Variants in EPM2A observed in about 807,000 individuals in gnomAD.
The protein encoded by EPM2A is laforin.
Under a neutral mutation model 26.5 loss-of-function variants are expected in EPM2A, and 21 were observed. That is an observed-to-expected ratio of 0.79 (90% confidence interval 0.56 to 1.14). The LOEUF (loss-of-function observed/expected upper bound fraction) is 1.14, where lower values mean the gene tolerates loss of function less well. Ranked by LOEUF, EPM2A falls within the 50% of genes most tolerant of loss-of-function variation. EPM2A has a pLI of 0.00. For synonymous variants in EPM2A, 217 were observed against 177.6 expected (o/e 1.22, Z -1.76); for missense variants, 458 against 440.8 (o/e 1.04, Z -0.35).
At position 145,445,832 on chromosome 6, in the gene EPM2A, C is replaced by T. The variant is rs185538769; in HGVS notation, c.555+56690G>A. On this transcript the variant is annotated intron_variant, in intron 4 of 4. Coordinates refer to the EPM2A transcript ENST00000638717. Reference sequence around the variant, plus strand: ...CTTTGGTGCTCCTCTCATTGAGAGGCGGGGTCTATGTCTTCTTCCCTTCAA... The same window carrying T: ...CTTTGGTGCTCCTCTCATTGAGAGGTGGGGTCTATGTCTTCTTCCCTTCAA... Among the ~76,000 whole-genome samples the T allele has an allele frequency of 5.3e-5, 8 of 152,216 alleles. No homozygotes were observed. The South Asian group carries it at 6.2e-4, about 12-fold the overall frequency.
chr6:145,471,364 AC>A (rs2114725459), intron 4 of EPM2A, among the ~76,000 whole-genome samples: 1 of 152,196 alleles, frequency 6.6e-6, no homozygotes, highest in South Asian at 2.1e-4. Flanking sequence ...AGAAAGCTCC[AC>A]CTATCATCCC....
chr6:145,536,881 A>G (rs867720536), intron 2 of EPM2A, among the ~76,000 whole-genome samples: 1 of 152,348 alleles, frequency 6.6e-6, no homozygotes, highest in South Asian at 2.1e-4. Flanking sequence ...AGGCAGACAG[A>G]GGAGTGGGAA....
intron 2 of EPM2A, among the ~76,000 whole-genome samples, chr6:145,512,029 T>TA (rs1780061222): frequency 6.6e-6 from 1 of 152,036 alleles, no homozygotes. Context: ...AATAAAGCGT[T>TA]AAGTACAAAG....
At chr6:145,703,991 A>T (rs1186481657) in intron 1 of EPM2A, among the ~76,000 whole-genome samples, 5 of 152,230 alleles carry the variant, frequency 3.3e-5, no homozygotes, top group Non-Finnish European at 5.9e-5. Flanking sequence ...TTTTAAAAAC[A>T]TTATTTTAAA....
chr6:145,665,926 TCAATAGATG>T (rs1779147285), intron 2 of EPM2A, among the ~76,000 whole-genome samples: 1 of 151,100 alleles, frequency 6.6e-6, no homozygotes, highest in African/African-American at 2.4e-5. Context: ...CATTATTATC[TCAATAGATG>T]CAGAAAAAGC....
intron 4 of EPM2A, among the ~76,000 whole-genome samples, chr6:145,398,184 T>C (rs747742840): frequency 1.7e-4 from 26 of 152,314 alleles, no homozygotes; most frequent in African/African-American, 5.3e-4. Flanking sequence ...AAAATACTTA[T>C]GAGCTCCCTC....
At chr6:145,611,543 A>G (rs1381319685) in intron 2 of EPM2A, among the ~76,000 whole-genome samples, 1 of 152,030 alleles carries the variant, frequency 6.6e-6, no homozygotes, top group Non-Finnish European at 1.5e-5. Context: ...TATTACCTTT[A>G]GAGAAAGTGA....
At chr6:145,549,424 T>C (rs1331901318) in intron 2 of EPM2A, among the ~76,000 whole-genome samples, 1 of 152,162 alleles carries the variant, frequency 6.6e-6, no homozygotes, top group African/African-American at 2.4e-5. Context: ...GATGTAATCC[T>C]TTGTCAGAAT....
chr6:145,716,467 T>C (rs1039294828), intron 1 of EPM2A, among the ~76,000 whole-genome samples: 2 of 152,316 alleles, frequency 1.3e-5, no homozygotes, highest in African/African-American at 4.8e-5. Flanking sequence ...TGATGTTTTA[T>C]GTTTGACAGA....
intron 2 of EPM2A, among the ~76,000 whole-genome samples, chr6:145,660,210 C>T (rs1778587972): frequency 6.6e-6 from 1 of 152,010 alleles, no homozygotes; most frequent in Admixed American, 6.5e-5. Context: ...AAAATCATTC[C>T]TCAGGTATTA....
At chr6:145,624,018 T>C (rs1297837868), downstream of EPM2A, among the ~76,000 whole-genome samples, 1 of 152,206 alleles carries the variant, frequency 6.6e-6, no homozygotes, top group Admixed American at 6.5e-5. Flanking sequence ...GTTGTTGTTA[T>C]GGTTGTTCTT....
chr6:145,390,479 A>C (rs1281704568), intron 4 of EPM2A, among the ~76,000 whole-genome samples: 1 of 152,096 alleles, frequency 6.6e-6, no homozygotes, highest in Non-Finnish European at 1.5e-5. Flanking sequence ...GTCTGGTGAT[A>C]GTTCTGCAGG....
chr6:145,569,880 T>A (rs2114823650), intron 2 of EPM2A, among the ~76,000 whole-genome samples: 1 of 152,222 alleles, frequency 6.6e-6, no homozygotes, highest in African/African-American at 2.4e-5. Flanking sequence ...GGGGAATTTA[T>A]TAAATATCAA....
At chr6:145,438,939 T>G (rs1216565981) in intron 4 of EPM2A, among the ~76,000 whole-genome samples, 1 of 152,112 alleles carries the variant, frequency 6.6e-6, no homozygotes, top group Non-Finnish European at 1.5e-5. Flanking sequence ...TTTCTTCTTT[T>G]TCTTCTAAAC....
intron 4 of EPM2A, among the ~76,000 whole-genome samples, chr6:145,455,044 T>C (rs556295763): frequency 6.8e-6 from 1 of 146,232 alleles, no homozygotes; most frequent in African/African-American, 2.4e-5. Flanking sequence ...TGTGTGTGAA[T>C]ATATACACAC....
intron 2 of EPM2A, among the ~76,000 whole-genome samples, chr6:145,521,831 T>C (rs1407935915): frequency 6.6e-6 from 1 of 152,198 alleles, no homozygotes; most frequent in Non-Finnish European, 1.5e-5. Flanking sequence ...ATAATGAAAA[T>C]GTCTACAGCA....
chr6:145,400,550 C>T (rs1333102047), intron 4 of EPM2A, among the ~76,000 whole-genome samples: 2 of 152,162 alleles, frequency 1.3e-5, no homozygotes. Flanking sequence ...AGACCACTGA[C>T]TATGGAGTGG....
intron 2 of EPM2A, among the ~76,000 whole-genome samples, chr6:145,531,025 CA>C (rs1780347881): frequency 6.6e-6 from 1 of 152,158 alleles, no homozygotes; most frequent in Admixed American, 6.5e-5. Context: ...TCCTTTGCAG[CA>C]AAACATAGAA....
chr6:145,492,571 C>G (rs1445477208), intron 4 of EPM2A, among the ~76,000 whole-genome samples: 1 of 151,944 alleles, frequency 6.6e-6, no homozygotes, highest in East Asian at 1.9e-4. Flanking sequence ...CAGGAAAAAT[C>G]AGGTCAGATG....
Sources: gnomAD v4.1 joint callset for allele counts (sites outside exome capture counted in the v4.1 genomes callset) on GRCh38, gnomAD v4.1.1 for gene constraint, MANE v1.5 for transcripts, NCBI Gene and HGNC (gene_info 2026-07-23, HGNC 2026-07-21) for gene names.